Variants in SLC8A1 observed in about 807,000 individuals in gnomAD.
SLC8A1 encodes the protein sodium/calcium exchanger 1.
Under a neutral mutation model 68.3 loss-of-function variants are expected in SLC8A1, and 18 were observed. The ratio of observed to expected loss-of-function variants is 0.26; its 90% CI spans 0.18 to 0.39. SLC8A1 has a LOEUF of 0.39. SLC8A1 is among the 10% of genes least tolerant of loss of function. The pLI is 1.00. For synonymous variants in SLC8A1, 475 were observed against 415.5 expected, an observed-to-expected ratio of 1.14 and a Z score of -1.74; for missense variants, 985 against 1,156.7, an observed-to-expected ratio of 0.85 and a Z score of 2.15.
chr2:40,476,136 A>G (rs1299237603), intron 1 of SLC8A1, among the ~76,000 whole-genome samples: 1 of 152,176 alleles, frequency 6.6e-6, no homozygotes, highest in Non-Finnish European at 1.5e-5. Context: ...TGCAAGTGTA[A>G]AAGTCTATTA....
intron 2 of SLC8A1, among the ~76,000 whole-genome samples, chr2:40,348,028 T>C (rs939856591): frequency 6.6e-6 from 1 of 152,212 alleles, no homozygotes; most frequent in Non-Finnish European, 1.5e-5. Flanking sequence ...AGTGCTTCTT[T>C]ATTTACTGAA....
chr2:40,160,653 A>G (rs960286738), intron 6 of SLC8A1, 112 bp downstream of exon 9: 1 of 844,784 alleles, frequency 1.2e-6, no homozygotes, highest in African/African-American at 1.7e-5. Context: ...TTCTCCCTTA[A>G]TTTTGCCATG....
At chr2:40,400,369 C>T (rs1435388536) in intron 2 of SLC8A1, among the ~76,000 whole-genome samples, 1 of 152,142 alleles carries the variant, frequency 6.6e-6, no homozygotes, top group African/African-American at 2.4e-5. Context: ...AGGGAAGACT[C>T]ACCCAGGAAA....
At chr2:40,210,029 G>C (rs2056291661) in intron 2 of SLC8A1, 2 of 152,230 alleles carry the variant, frequency 1.3e-5, no homozygotes. Flanking sequence ...TGGCAGGTGA[G>C]AGAATGTATA....
At chr2:40,295,177 G>A (rs1181639599) in intron 2 of SLC8A1, among the ~76,000 whole-genome samples, 1 of 151,848 alleles carries the variant, frequency 6.6e-6, no homozygotes, top group Non-Finnish European at 1.5e-5. Context: ...ATGGCTCACT[G>A]CAGTCTCAAA....
chr2:40,449,963 C>T (rs928390935), intron 1 of SLC8A1, among the ~76,000 whole-genome samples: 1 of 152,148 alleles, frequency 6.6e-6, no homozygotes, highest in Non-Finnish European at 1.5e-5. Flanking sequence ...TGTGAGAAAT[C>T]TTAGCTAAAG....
chr2:40,159,336 A>G (rs1239405676), intron 6 of SLC8A1, among the ~76,000 whole-genome samples: 1 of 152,232 alleles, frequency 6.6e-6, no homozygotes. Context: ...AATAATTGAC[A>G]TAGAAAAACG....
chr2:40,380,250 C>T (rs1184909416), intron 2 of SLC8A1, among the ~76,000 whole-genome samples: 1 of 152,152 alleles, frequency 6.6e-6, no homozygotes, highest in Admixed American at 6.6e-5. Context: ...TGCTGATAGA[C>T]AGCAAGAGTC....
upstream of SLC8A1, among the ~76,000 whole-genome samples, chr2:40,453,616 ACT>A (rs955718374): frequency 2.4e-4 from 37 of 152,166 alleles, no homozygotes; most frequent in African/African-American, 8.7e-4. Context: ...ATTAACTTTG[ACT>A]CTCTGCAGGT....
At chr2:40,256,348 G>C (rs770451382) in intron 2 of SLC8A1, among the ~76,000 whole-genome samples, 1 of 152,086 alleles carries the variant, frequency 6.6e-6, no homozygotes, top group Non-Finnish European at 1.5e-5. Context: ...TTAAGACCAA[G>C]GCTCACTGGC....
intron 2 of SLC8A1, among the ~76,000 whole-genome samples, chr2:40,340,327 G>A (rs762519767): frequency 2.6e-5 from 4 of 152,118 alleles, no homozygotes; most frequent in Admixed American, 6.5e-5. Flanking sequence ...TTGGGAGGCC[G>A]AGGCAGGTGG....
chr2:40,467,655 T>C (rs747780405), intron 1 of SLC8A1, among the ~76,000 whole-genome samples: 29 of 152,308 alleles, frequency 1.9e-4, no homozygotes, highest in Non-Finnish European at 3.4e-4. Flanking sequence ...AATAACTGCA[T>C]AGTGTCGGTC....
At chr2:40,397,634 C>T (rs371664242) in intron 2 of SLC8A1, among the ~76,000 whole-genome samples, 6 of 152,242 alleles carry the variant, frequency 3.9e-5, no homozygotes, top group South Asian at 2.1e-4. Context: ...CATATCAGAA[C>T]CACATATGTA....
chr2:40,395,017 G>T (rs1307129595), intron 2 of SLC8A1, among the ~76,000 whole-genome samples: 1 of 152,134 alleles, frequency 6.6e-6, no homozygotes, highest in African/African-American at 2.4e-5. Context: ...GCTCATGTCT[G>T]TGTAAACAAA....
chr2:40,196,214 T>G lies in SLC8A1; in HGVS notation c.1809-18359A>C, dbSNP rs369589162. 1.3e-3 allele frequency among the ~76,000 whole-genome samples: 203 copies of G among 152,066 alleles called. 1 individual carries two copies. The highest frequency in any genetic ancestry group is 4.8e-3 in the African/African-American group (198 of 41,522). The stretch of plus-strand genomic sequence containing the variant: ...AAGGAAAAATTTTCAAGTTGTAATG[T>G]TGGTGGTGGTACGCTCAAAGAGTTT... On this transcript the variant is annotated intron_variant, in intron 2 of 7. Transcript: ENST00000406785.
At chr2:40,501,431 A>G (rs1706052833) in intron 1 of SLC8A1, among the ~76,000 whole-genome samples, 2 of 152,106 alleles carry the variant, frequency 1.3e-5, no homozygotes, top group Admixed American at 6.6e-5. Flanking sequence ...TAAAAGACTG[A>G]CATTTTAAAT....
chr2:40,410,003 G>A (rs1691596849), intron 2 of SLC8A1, among the ~76,000 whole-genome samples: 1 of 151,600 alleles, frequency 6.6e-6, no homozygotes, highest in African/African-American at 2.4e-5. Flanking sequence ...AGAGTGAGAA[G>A]GGAAAAAAAG....
intron 2 of SLC8A1, among the ~76,000 whole-genome samples, chr2:40,409,030 T>G (rs1691289175): frequency 6.6e-6 from 1 of 152,184 alleles, no homozygotes; most frequent in Non-Finnish European, 1.5e-5. Flanking sequence ...AATGATTATA[T>G]GTAAATATTG....
intron 1 of SLC8A1, among the ~76,000 whole-genome samples, 172 bp downstream of exon 1, chr2:40,451,732 C>CAT (rs1195159597): frequency 1.5e-5 from 2 of 136,342 alleles, no homozygotes; most frequent in African/African-American, 5.7e-5. Context: ...CGCGCACACA[C>CAT]CACATCACAC....
Sources: gnomAD v4.1 joint callset for allele counts (sites outside exome capture counted in the v4.1 genomes callset) on GRCh38, gnomAD v4.1.1 for gene constraint, MANE v1.5 for transcripts, NCBI Gene and HGNC (gene_info 2026-07-23, HGNC 2026-07-21) for gene names.